The following CD84 variants were observed in gnomAD, a reference collection of about 807,000 sequenced individuals.
CD84 encodes CD84 molecule, also known as SLAM family member 5.
Under a neutral mutation model 33.8 loss-of-function variants are expected in CD84, and 22 were observed. The ratio of observed to expected loss-of-function variants is 0.65; its 90% CI spans 0.46 to 0.93. The LOEUF is 0.93. Ranked by LOEUF, CD84 falls within the 40% of genes least tolerant of loss-of-function variation. The pLI is 0.00. For synonymous variants in CD84, 154 were observed against 145.2 expected, an observed-to-expected ratio of 1.06 and a Z score of -0.44; for missense variants, 400 against 397.6, an observed-to-expected ratio of 1.01 and a Z score of -0.05.
chr1:160,550,724 A>T (rs1656154419), intron 5 of CD84: 1 of 985,176 alleles, frequency 1.0e-6, no homozygotes, highest in East Asian at 1.1e-4. Context: ...GCCTCAGCCC[A>T]TGGAGGCTGC....
intron 2 of CD84, among the ~76,000 whole-genome samples, chr1:160,557,365 C>G (rs764298711): frequency 6.6e-6 from 1 of 152,204 alleles, no homozygotes; most frequent in Non-Finnish European, 1.5e-5. Flanking sequence ...TCTTTTTCAA[C>G]AAATACTTCT....
At chr1:160,565,974 T>A (rs1459069272) in intron 1 of CD84, among the ~76,000 whole-genome samples, 1 of 152,098 alleles carries the variant, frequency 6.6e-6, no homozygotes, top group African/African-American at 2.4e-5. Flanking sequence ...TCACTAGAGA[T>A]CCATTTTGTT....
Position 160,579,487 on chromosome 1 carries a change from G to C in CD84, c.-50C>G. The C allele has an allele frequency of 1.2e-6, 2 of 1,600,686 alleles. No homozygotes were observed. Among genetic ancestry groups the C allele is most frequent in the Non-Finnish European group, 1.7e-6 (2 of 1,174,148 alleles). On this transcript the variant is annotated 5_prime_UTR_variant, in exon 1 of 7. Coordinates refer to ENST00000368054, the MANE Select transcript of CD84 (RefSeq NM_003874.4). Reference sequence around the variant, plus strand: ...GGAAAAGCACGGCACTGTTCTAGCAGAGTCAGTTTCACTTGAGTTTTCTTC... The same window carrying C: ...GGAAAAGCACGGCACTGTTCTAGCACAGTCAGTTTCACTTGAGTTTTCTTC...
chr1:160,553,358 A>G lies in CD84; in HGVS notation c.760+20T>C. 2 of 1,614,112 alleles carry G rather than the reference A, an allele frequency of 1.2e-6. No homozygotes were observed. Among genetic ancestry groups the G allele is most frequent in the South Asian group, 1.1e-5 (1 of 91,076 alleles). On this transcript the variant is annotated intron_variant, in intron 4 of 6. Transcript: ENST00000368054. ...GAGAGAAGGTGAGTTTCCACATTTTACCTTCTGGGAAAATCCTACCTTGTC... is the reference window on the plus strand; with the variant it reads ...GAGAGAAGGTGAGTTTCCACATTTTGCCTTCTGGGAAAATCCTACCTTGTC...
At chr1:160,550,900 T>C in intron 5 of CD84, 38 bp downstream of exon 5, 1 of 1,607,896 alleles carries the variant, frequency 6.2e-7, no homozygotes, top group Middle Eastern at 1.7e-4. Flanking sequence ...GTCATGGAGA[T>C]GGTGGCACAG....
chr1:160,560,433 C>A (rs553316494), intron 2 of CD84, among the ~76,000 whole-genome samples: 113 of 152,190 alleles, frequency 7.4e-4, no homozygotes, highest in African/African-American at 2.5e-3. Flanking sequence ...AAATCAAGTT[C>A]TTTGAAACTA....
intron 1 of CD84, among the ~76,000 whole-genome samples, chr1:160,569,513 A>T (rs1294678520): frequency 9.0e-6 from 1 of 110,732 alleles, no homozygotes; most frequent in Non-Finnish European, 1.8e-5. Flanking sequence ...TTAGGGAAAT[A>T]AGATACACAC....
chr1:160,544,173 GGA>G lies in CD84; in HGVS notation c.*4081_*4082del, dbSNP rs1472046102. On this transcript the variant is annotated 3_prime_UTR_variant, in exon 7 of 7. Coordinates refer to ENST00000368054, the MANE Select transcript of CD84 (RefSeq NM_003874.4). ...TTTTTTTTTTTTTTTTTTTTGAGAC[GGA>G]GTCTCACTCTCTCGCCCAGGCTGGA... 1 of 138,794 alleles carries G rather than the reference GGA, an allele frequency of 7.2e-6. No homozygotes were observed. The highest frequency in any genetic ancestry group is 2.8e-5 in the African/African-American group (1 of 35,930). The allele number at this position is 138,794 out of a possible 1,614,324, so 8.6% of individuals were successfully genotyped here.
chr1:160,548,386 C>A, intron 6 of CD84, 65 bp from the exon 7 acceptor site: 2 of 1,560,270 alleles, frequency 1.3e-6, no homozygotes, highest in Admixed American at 1.7e-5. Context: ...TCCAGTCCTG[C>A]AAGTTCCCAG....
At chr1:160,569,052 G>A (rs1229557694) in intron 1 of CD84, among the ~76,000 whole-genome samples, 1 of 152,222 alleles carries the variant, frequency 6.6e-6, no homozygotes, top group East Asian at 1.9e-4. Context: ...TATTTCTGGA[G>A]TTGATACTGA....
At position 160,548,326 on chromosome 1, in the gene CD84, G is replaced by A. The variant is rs1383830300; in HGVS notation, c.922-5C>T. The A allele has an allele frequency of 3.1e-6, 5 of 1,614,186 alleles. No individual in the cohort carries two copies. The highest frequency in any genetic ancestry group is 1.3e-5 in the African/African-American group (1 of 75,056). On this transcript the variant is annotated splice_region_variant and splice_polypyrimidine_tract_variant and intron_variant, in intron 6 of 6. Coordinates refer to ENST00000368054, the MANE Select transcript of CD84 (RefSeq NM_003874.4). ...CTGTGTGCTGGCTTTCCCCATCTGT[G>A]CAGGAGAGAAGCGTGAGAAAATGTT...
chr1:160,576,108 T>C (rs1657978977), intron 1 of CD84, among the ~76,000 whole-genome samples: 1 of 152,192 alleles, frequency 6.6e-6, no homozygotes, highest in Admixed American at 6.5e-5. Context: ...GTCCTTATCT[T>C]GAAGACCCCT....
intron 5 of CD84, 174 bp downstream of exon 5, chr1:160,550,764 C>T (rs1202043984): frequency 5.1e-6 from 5 of 985,380 alleles, no homozygotes; most frequent in Non-Finnish European, 6.0e-6. Context: ...ACGTTCCTGT[C>T]CTCATAGAAA....
At chr1:160,551,108 C>A (rs772528358) in intron 4 of CD84, 73 bp from the exon 5 acceptor site, 83 of 1,115,602 alleles carry the variant, frequency 7.4e-5, no homozygotes, top group Non-Finnish European at 1.1e-4. Flanking sequence ...TTCCAATGTT[C>A]TCTTTTTAAG....
intron 1 of CD84, among the ~76,000 whole-genome samples, chr1:160,577,899 A>G (rs1287845217): frequency 6.6e-6 from 1 of 152,186 alleles, no homozygotes; most frequent in Non-Finnish European, 1.5e-5. Flanking sequence ...AGCTGATTTG[A>G]CAACTTTATT....
chr1:160,548,173 G>A lies in CD84; in HGVS notation c.*83C>T. ...GTTTGCAATCTCCCAGTAAGAGTTG[G>A]GCAGAGAAGATCTGGATCCAGGGAA... On this transcript the variant is annotated 3_prime_UTR_variant, in exon 7 of 7. Coordinates refer to ENST00000368054, the MANE Select transcript of CD84 (RefSeq NM_003874.4). The A allele has an allele frequency of 1.4e-6, 2 of 1,418,734 alleles. No homozygotes were observed. Among genetic ancestry groups the A allele is most frequent in the Non-Finnish European group, 2.0e-6 (2 of 1,006,234 alleles). 87.9% of individuals were successfully genotyped at this position (1,418,734 alleles called of 1,614,324 possible). A position where few individuals can be genotyped will look rare whatever the true frequency, so the allele number is the denominator to read the frequency against.
chr1:160,573,078 T>G (rs1352879016), intron 1 of CD84, among the ~76,000 whole-genome samples: 2 of 152,128 alleles, frequency 1.3e-5, no homozygotes, highest in Middle Eastern at 3.2e-3. Context: ...GTACATTTCA[T>G]GGTTAGGCAG....
chr1:160,549,842 G>A, intron 6 of CD84, 75 bp downstream of exon 6: 1 of 1,107,894 alleles, frequency 9.0e-7, no homozygotes, highest in Non-Finnish European at 1.4e-6. Flanking sequence ...GCTAGCCCCT[G>A]GTTGGATGGA....
chr1:160,577,052 G>A (rs1002168153), intron 1 of CD84, among the ~76,000 whole-genome samples: 1 of 152,174 alleles, frequency 6.6e-6, no homozygotes, highest in Non-Finnish European at 1.5e-5. Context: ...TATGTGGAGA[G>A]ACAGTCAGAG....
Sources: gnomAD v4.1 joint callset for allele counts (sites outside exome capture counted in the v4.1 genomes callset) on GRCh38, gnomAD v4.1.1 for gene constraint, MANE v1.5 for transcripts, NCBI Gene and HGNC (gene_info 2026-07-23, HGNC 2026-07-21) for gene names.